Variants in INPP5F observed in about 807,000 individuals in gnomAD.
INPP5F encodes phosphatidylinositide 4-phosphatase SAC2.
A neutral mutation model predicts 137.2 loss-of-function variants in INPP5F; 97 were observed. The observed-to-expected ratio is 0.71, with a 90% CI of 0.60 to 0.84. The LOEUF (loss-of-function observed/expected upper bound fraction) is 0.84, where lower values mean the gene tolerates loss of function less well. Ranked by LOEUF, INPP5F falls within the 40% of genes least tolerant of loss-of-function variation. The pLI, the probability that INPP5F is intolerant of heterozygous loss-of-function variation, is 0.00. For missense variants in INPP5F, 1,271 were observed against 1,371.9 expected (o/e 0.93, Z 1.16); for synonymous variants, 504 against 476.9 (o/e 1.06, Z -0.74).
chr10:119,824,516 G>A (rs1851690027), intron 19 of INPP5F, among the ~76,000 whole-genome samples: 1 of 152,204 alleles, frequency 6.6e-6, no homozygotes, highest in Non-Finnish European at 1.5e-5. Flanking sequence ...GCCTCGTGCT[G>A]TGGGGAGGGA....
At chr10:119,736,925 G>A (rs532235844) in intron 1 of INPP5F, among the ~76,000 whole-genome samples, 1 of 152,334 alleles carries the variant, frequency 6.6e-6, no homozygotes, top group South Asian at 2.1e-4. Context: ...CTGGGCTCGG[G>A]TGATCCTCCC....
chr10:119,802,347 A>G (rs911219479), intron 9 of INPP5F, among the ~76,000 whole-genome samples: 1 of 152,166 alleles, frequency 6.6e-6, no homozygotes, highest in Non-Finnish European at 1.5e-5. Flanking sequence ...TGTGTCCTTA[A>G]TGGTATTGGG....
intron 13 of INPP5F, among the ~76,000 whole-genome samples, chr10:119,809,820 G>A (rs1201810980): frequency 1.3e-5 from 2 of 152,192 alleles, no homozygotes; most frequent in African/African-American, 4.8e-5. Context: ...GTTTTGACCT[G>A]TAAATTCTAG....
At chr10:119,751,011 A>G (rs1024561660) in intron 1 of INPP5F, 65 bp from the exon 2 acceptor site, 2 of 1,048,150 alleles carry the variant, frequency 1.9e-6, no homozygotes, top group African/African-American at 3.1e-5. Context: ...TACACTGCTA[A>G]AGATACTGTT....
chr10:119,796,701 C>A lies in INPP5F; in HGVS notation c.670-14C>A. ...TACAGAATAGAAACGATATCATGTT[C>A]ATTTTGTTTTCAGACTCCAGATGTG... On this transcript the variant is annotated splice_polypyrimidine_tract_variant and intron_variant, in intron 6 of 19. Transcript: ENST00000650623. The A allele has an allele frequency of 6.2e-7, 1 of 1,600,712 alleles. No individual in the cohort carries two copies. Among genetic ancestry groups the A allele is most frequent in the South Asian group, 1.1e-5 (1 of 90,792 alleles).
At chr10:119,788,614 C>T (rs2134197740) in intron 3 of INPP5F, among the ~76,000 whole-genome samples, 1 of 152,286 alleles carries the variant, frequency 6.6e-6, no homozygotes. Flanking sequence ...AGTGCCTGGG[C>T]TGGGACACTG....
chr10:119,751,909 G>A (rs1030333517), intron 2 of INPP5F, among the ~76,000 whole-genome samples: 1 of 152,150 alleles, frequency 6.6e-6, no homozygotes, highest in African/African-American at 2.4e-5. Flanking sequence ...GGGATTACAG[G>A]CATGAGCCAC....
intron 2 of INPP5F, among the ~76,000 whole-genome samples, chr10:119,758,194 G>A (rs923801735): frequency 4.6e-5 from 7 of 152,222 alleles, no homozygotes; most frequent in African/African-American, 1.7e-4. Flanking sequence ...GTGCTGTGGT[G>A]TGTATGACAG....
At chr10:119,726,542 G>A (rs1160864704) in intron 1 of INPP5F, among the ~76,000 whole-genome samples, 183 bp downstream of exon 1, 1 of 151,706 alleles carries the variant, frequency 6.6e-6, no homozygotes, top group Non-Finnish European at 1.5e-5. Flanking sequence ...CTTTCTCCGA[G>A]ACAGCGCCGA....
chr10:119,769,086 T>C (rs1849261577), intron 2 of INPP5F, among the ~76,000 whole-genome samples: 2 of 152,190 alleles, frequency 1.3e-5, no homozygotes, highest in African/African-American at 4.8e-5. Context: ...TTATCTGTAA[T>C]GTTTAAACTT....
chr10:119,754,169 G>A (rs1848768307), intron 2 of INPP5F, among the ~76,000 whole-genome samples: 3 of 152,146 alleles, frequency 2.0e-5, no homozygotes. Context: ...GCCCATCTTG[G>A]GCCAGGGGAC....
intron 2 of INPP5F, among the ~76,000 whole-genome samples, chr10:119,781,330 G>C (rs1849695268): frequency 6.6e-6 from 1 of 152,192 alleles, no homozygotes; most frequent in African/African-American, 2.4e-5. Flanking sequence ...CTGCACAGCT[G>C]TTTTGAGTTT....
intron 11 of INPP5F, among the ~76,000 whole-genome samples, chr10:119,805,862 T>A (rs1178273748): frequency 6.6e-6 from 1 of 151,952 alleles, no homozygotes; most frequent in Non-Finnish European, 1.5e-5. Flanking sequence ...GTACAGGAGG[T>A]TTAAATTGGC....
chr10:119,779,226 G>A (rs1038874526), intron 2 of INPP5F, among the ~76,000 whole-genome samples: 2 of 152,114 alleles, frequency 1.3e-5, no homozygotes, highest in Non-Finnish European at 2.9e-5. Context: ...TGAAAGATAA[G>A]AATGGTACAC....
At chr10:119,823,346 G>GAGTTGCTATTT in intron 18 of INPP5F, 147 bp downstream of exon 18, 1 of 707,918 alleles carries the variant, frequency 1.4e-6, no homozygotes, top group Non-Finnish European at 2.2e-6. Flanking sequence ...CCTTGAAATA[G>GAGTTGCTATTT]CAACTCTGTT....
chr10:119,794,003 T>A (rs1850237575), intron 6 of INPP5F, among the ~76,000 whole-genome samples: 1 of 152,242 alleles, frequency 6.6e-6, no homozygotes, highest in Non-Finnish European at 1.5e-5. Flanking sequence ...ATTTTATTTT[T>A]ATTTTTATTT....
intron 1 of INPP5F, among the ~76,000 whole-genome samples, chr10:119,727,115 T>C (rs1185035632): frequency 6.6e-6 from 1 of 152,218 alleles, no homozygotes; most frequent in Non-Finnish European, 1.5e-5. Context: ...GTCCCTGCCC[T>C]CAGAGCGCTG....
At chr10:119,789,174 G>A (rs1273727600) in intron 3 of INPP5F, among the ~76,000 whole-genome samples, 2 of 149,268 alleles carry the variant, frequency 1.3e-5, no homozygotes, top group South Asian at 2.1e-4. Context: ...GTGGTGAGCC[G>A]AAACTGCGCC....
intron 6 of INPP5F, among the ~76,000 whole-genome samples, chr10:119,793,062 CTG>C (rs1220351175): frequency 6.6e-6 from 1 of 152,124 alleles, no homozygotes; most frequent in Non-Finnish European, 1.5e-5. Flanking sequence ...GCTGATCAAA[CTG>C]TGACCACCAA....
Sources: allele counts gnomAD v4.1 joint callset (sites outside exome capture counted in the v4.1 genomes callset), GRCh38; gene constraint gnomAD v4.1.1; transcripts MANE v1.5; gene names NCBI Gene and HGNC (gene_info 2026-07-23, HGNC 2026-07-21).